The following SNX30 variants were observed in gnomAD, a reference collection of about 807,000 sequenced individuals.
The protein encoded by SNX30 is sorting nexin-30.
A neutral mutation model predicts 46.4 loss-of-function variants in SNX30; 24 were observed. That is an observed-to-expected ratio of 0.52 (90% confidence interval 0.37 to 0.73). The LOEUF is 0.73. Ranked by LOEUF, SNX30 falls within the 30% of genes least tolerant of loss-of-function variation. The pLI is 0.00. For synonymous variants in SNX30, 189 were observed against 211.5 expected, an observed-to-expected ratio of 0.89 and a Z score of 0.92; for missense variants, 533 against 555.7, an observed-to-expected ratio of 0.96 and a Z score of 0.41.
At chr9:112,783,692 G>A (rs1839879219) in intron 1 of SNX30, among the ~76,000 whole-genome samples, 1 of 152,242 alleles carries the variant, frequency 6.6e-6, no homozygotes, top group Non-Finnish European at 1.5e-5. Flanking sequence ...AGGTGTCAGA[G>A]CCAGGTTGCG....
chr9:112,792,488 G>A (rs761794294), intron 1 of SNX30, among the ~76,000 whole-genome samples: 1 of 152,074 alleles, frequency 6.6e-6, no homozygotes, highest in African/African-American at 2.4e-5. Context: ...ACAATGGTGC[G>A]ATCTCTGCTC....
intron 1 of SNX30, among the ~76,000 whole-genome samples, chr9:112,785,385 T>C (rs1205704686): frequency 2.9e-4 from 1 of 3,390 alleles, no homozygotes; most frequent in Non-Finnish European, 1.8e-3. Context: ...CTGGCTAAGT[T>C]TTTTTTTTTT....
chr9:112,779,137 G>C (rs1025116181), intron 1 of SNX30, among the ~76,000 whole-genome samples: 5 of 152,232 alleles, frequency 3.3e-5, no homozygotes, highest in Non-Finnish European at 5.9e-5. Flanking sequence ...GCGAAAGTGT[G>C]TTCTCCCTTT....
chr9:112,825,422 G>A (rs1840566138), intron 3 of SNX30, among the ~76,000 whole-genome samples: 1 of 152,070 alleles, frequency 6.6e-6, no homozygotes, highest in African/African-American at 2.4e-5. Flanking sequence ...AGCCTCCACA[G>A]TAGCTGGGAC....
At chr9:112,774,729 A>G (rs1049472882) in intron 1 of SNX30, among the ~76,000 whole-genome samples, 1 of 152,034 alleles carries the variant, frequency 6.6e-6, no homozygotes, top group African/African-American at 2.4e-5. Context: ...CCTCTTTCAC[A>G]TGCAAATTGG....
At chr9:112,852,439 G>T (rs1257386251) in intron 7 of SNX30, among the ~76,000 whole-genome samples, 1 of 152,106 alleles carries the variant, frequency 6.6e-6, no homozygotes, top group East Asian at 1.9e-4. Context: ...TTATGTAAGG[G>T]ACTTGAACAT....
At chr9:112,769,454 C>A (rs1186984539) in intron 1 of SNX30, among the ~76,000 whole-genome samples, 1 of 152,236 alleles carries the variant, frequency 6.6e-6, no homozygotes, top group Non-Finnish European at 1.5e-5. Flanking sequence ...TGGGTGCAGC[C>A]ATGTCCATGC....
At chr9:112,756,354 C>T (rs567716499) in intron 1 of SNX30, among the ~76,000 whole-genome samples, 17 of 151,858 alleles carry the variant, frequency 1.1e-4, no homozygotes, top group East Asian at 7.7e-4. Flanking sequence ...GTCCTCACCA[C>T]GGGGCTTTAA....
chr9:112,787,871 A>G (rs1687876795), intron 1 of SNX30, among the ~76,000 whole-genome samples: 1 of 151,140 alleles, frequency 6.6e-6, no homozygotes, highest in Non-Finnish European at 1.5e-5. Context: ...ATCTTGGCTC[A>G]CTGCAACCTC....
At chr9:112,830,969 T>G (rs902853463) in intron 4 of SNX30, 86 bp downstream of exon 4, 2 of 1,384,018 alleles carry the variant, frequency 1.4e-6, no homozygotes, top group Non-Finnish European at 1.9e-6. Context: ...GGACTCGGTC[T>G]CTACAAAAAC....
At position 112,864,367 on chromosome 9, in the gene SNX30, A is replaced by T. The variant is rs1841285409; in HGVS notation, c.1222A>T (p.Met408Leu). ...RQDFRQLLMG[M>L]ADKNIQYYEK... ...GGACTTCCGGCAGCTACTCATGGGG[A>T]TGGCTGACAAGAACATCCAGTATTA... Residue 408 changes from methionine to leucine, a missense_variant, in exon 8 of 9, where the codon ATG (methionine) becomes TTG (leucine). By Grantham distance (15) the Met-to-Leu change is conservative. Coordinates refer to ENST00000374232, the MANE Select transcript of SNX30 (RefSeq NM_001012994.2). 3.1e-6 allele frequency: 5 copies of T among 1,614,224 alleles called. No individual in the cohort carries two copies. In the East Asian group the frequency reaches 1.1e-4, roughly 36 times the overall value.
At chr9:112,790,198 A>G (rs1290806068) in intron 1 of SNX30, among the ~76,000 whole-genome samples, 2 of 152,240 alleles carry the variant, frequency 1.3e-5, no homozygotes, top group Admixed American at 1.3e-4. Flanking sequence ...ATACATTTGA[A>G]TAACTCTCCA....
At chr9:112,789,818 G>C (rs1233018728) in intron 1 of SNX30, among the ~76,000 whole-genome samples, 1 of 152,200 alleles carries the variant, frequency 6.6e-6, no homozygotes, top group Admixed American at 6.5e-5. Flanking sequence ...AGGCCAATGG[G>C]TAGAATTTGC....
Position 112,864,351 on chromosome 9 carries a change from G to C in SNX30, c.1206G>C (p.Arg402=). 1 of 1,614,226 alleles carries C rather than the reference G, an allele frequency of 6.2e-7. No homozygotes were observed. Among genetic ancestry groups the C allele is most frequent in the Non-Finnish European group, 8.5e-7 (1 of 1,180,042 alleles). ...RWQNNKRQDF[R]QLLMGMADKN... is the part of the protein sequence containing the mutation. ...AGAACAACAAGAGGCAGGACTTCCG[G>C]CAGCTACTCATGGGGATGGCTGACA... Residue 402 remains arginine, a synonymous_variant, in exon 8 of 9, where the codon CGG becomes CGC. Coordinates refer to ENST00000374232, the MANE Select transcript of SNX30 (RefSeq NM_001012994.2).
At chr9:112,862,112 A>G (rs1489311543) in intron 7 of SNX30, among the ~76,000 whole-genome samples, 1 of 152,228 alleles carries the variant, frequency 6.6e-6, no homozygotes, top group Non-Finnish European at 1.5e-5. Context: ...AGGCTCAGGC[A>G]GTCCTAAAAC....
chr9:112,841,509 A>G (rs1471605283), intron 6 of SNX30, among the ~76,000 whole-genome samples: 1 of 152,206 alleles, frequency 6.6e-6, no homozygotes, highest in Non-Finnish European at 1.5e-5. Flanking sequence ...GGGGAAGGGC[A>G]TGGAAAAGAG....
chr9:112,816,179 A>C (rs1212799320), intron 2 of SNX30, among the ~76,000 whole-genome samples: 1 of 152,152 alleles, frequency 6.6e-6, no homozygotes, highest in Non-Finnish European at 1.5e-5. Context: ...CCTAGGGCTC[A>C]AGGAGGCTTA....
chr9:112,865,659 A>ATGTGTGTGTGTGTGTGTG (rs1473545725), intron 8 of SNX30, among the ~76,000 whole-genome samples: 11 of 79,674 alleles, frequency 1.4e-4, no homozygotes, highest in Non-Finnish European at 2.3e-4. Context: ...ATATATATAT[A>ATGTGTGTGTGTGTGTGTG]TATGTATGTA....
chr9:112,795,164 G>A (rs1030802796), intron 1 of SNX30, among the ~76,000 whole-genome samples: 4 of 152,084 alleles, frequency 2.6e-5, no homozygotes, highest in Admixed American at 6.6e-5. Flanking sequence ...TTACAAGCAC[G>A]TGTGTGTGTG....
Sources: gnomAD v4.1 joint callset for allele counts (sites outside exome capture counted in the v4.1 genomes callset) on GRCh38, gnomAD v4.1.1 for gene constraint, MANE v1.5 for transcripts, NCBI Gene and HGNC (gene_info 2026-07-23, HGNC 2026-07-21) for gene names.